C4orf51: variants seen among roughly 807,000 people sequenced by gnomAD.
C4orf51 encodes chromosome 4 open reading frame 51.
C4orf51 carries 25 observed loss-of-function variants against 25.2 expected under a neutral mutation model. The ratio of observed to expected loss-of-function variants is 0.99; its 90% CI spans 0.72 to 1.39. The LOEUF is 1.39. Ranked by LOEUF, C4orf51 falls within the 40% of genes most tolerant of loss-of-function variation. C4orf51 has a pLI of 0.00. For synonymous variants in C4orf51, 100 were observed against 84.5 expected, an observed-to-expected ratio of 1.18 and a Z score of -1.01; for missense variants, 252 against 239.6, an observed-to-expected ratio of 1.05 and a Z score of -0.34.
chr4:145,698,598 G>C (rs945734942), intron 2 of C4orf51, among the ~76,000 whole-genome samples: 1 of 152,164 alleles, frequency 6.6e-6, no homozygotes, highest in Admixed American at 6.5e-5. Context: ...AGAATAGACT[G>C]TGTTTCTTAT....
At chr4:145,683,842 A>G (rs1007070804) in intron 1 of C4orf51, among the ~76,000 whole-genome samples, 7 of 152,232 alleles carry the variant, frequency 4.6e-5, no homozygotes, top group African/African-American at 1.7e-4. Context: ...TGGCAATGGC[A>G]ATGATATTTT....
chr4:145,736,185 T>A (rs148236198), downstream of C4orf51, among the ~76,000 whole-genome samples: 9 of 151,514 alleles, frequency 5.9e-5, no homozygotes, highest in East Asian at 1.7e-3. Context: ...GCAATTAGAG[T>A]GGGAACACTG....
intron 1 of C4orf51, among the ~76,000 whole-genome samples, chr4:145,682,485 C>T (rs1232750256): frequency 6.6e-6 from 1 of 152,034 alleles, no homozygotes; most frequent in African/African-American, 2.4e-5. Context: ...CAGAATGGTC[C>T]AAGGAGAATT....
rs1158700244 is a variant in C4orf51, at chr4:145,747,389, G to GT, written n.168-6818_168-6817insT. On this transcript the variant is annotated intron_variant and non_coding_transcript_variant, in intron 1 of 1. Transcript: ENST00000508981. ...ATTCCTTCTGTGCCCAGTTTTTTGA[G>GT]GTTTTTTTTTTTTATCATGAAGTGG... 4.1e-5 allele frequency among the ~76,000 whole-genome samples: 5 copies of GT among 122,018 alleles called. No individual in the cohort carries two copies. The East Asian group carries it at 6.0e-4, about 15-fold the overall frequency. 80.0% of individuals were successfully genotyped at this position (122,018 alleles called of 152,430 possible).
At chr4:145,792,028 T>A in the C4orf51 span, among the ~76,000 whole-genome samples, 1 of 152,232 alleles carries the variant, frequency 6.6e-6, no homozygotes, top group African/African-American at 2.4e-5. Flanking sequence ...CTCTGCTTTC[T>A]ATGACAAAGT....
chr4:145,742,532 G>GTTTTTTT (rs141147414), intron 1 of C4orf51, among the ~76,000 whole-genome samples: 21 of 105,004 alleles, frequency 2.0e-4, no homozygotes, highest in Admixed American at 3.2e-4. Flanking sequence ...TCTTTTTCTT[G>GTTTTTTT]TTTTTTTTTT....
At chr4:145,690,100 G>A (rs1210542340) in intron 1 of C4orf51, among the ~76,000 whole-genome samples, 18 of 151,876 alleles carry the variant, frequency 1.2e-4, no homozygotes, top group East Asian at 5.8e-4. Flanking sequence ...CCAGCTACTC[G>A]GGAGGCTGAG....
At chr4:145,700,280 C>T (rs560122511) in intron 2 of C4orf51, among the ~76,000 whole-genome samples, 1 of 152,064 alleles carries the variant, frequency 6.6e-6, no homozygotes, top group Non-Finnish European at 1.5e-5. Context: ...ATTTCCGTGC[C>T]CTGACCCCCC....
chr4:145,752,954 G>A (rs1733752331), intron 1 of C4orf51, among the ~76,000 whole-genome samples: 1 of 149,206 alleles, frequency 6.7e-6, no homozygotes, highest in Non-Finnish European at 1.5e-5. Flanking sequence ...TCCCACAATC[G>A]CTGTGCTCTC....
At chr4:145,772,220 A>T (rs919820759), downstream of C4orf51, among the ~76,000 whole-genome samples, 1 of 152,230 alleles carries the variant, frequency 6.6e-6, no homozygotes, top group African/African-American at 2.4e-5. Flanking sequence ...AGGTACATTG[A>T]TTCCCCACTT....
At chr4:145,780,334 G>A in the C4orf51 span, among the ~76,000 whole-genome samples, 2 of 152,184 alleles carry the variant, frequency 1.3e-5, no homozygotes, top group African/African-American at 2.4e-5. Flanking sequence ...ATTCCAGTTT[G>A]TGCAAAATCC....
intron 2 of C4orf51, among the ~76,000 whole-genome samples, chr4:145,709,779 C>T (rs1316738020): frequency 6.6e-6 from 1 of 152,100 alleles, no homozygotes; most frequent in Non-Finnish European, 1.5e-5. Context: ...TCATGAGCTC[C>T]CTATTTAGGA....
At chr4:145,725,326 C>A (rs146910498) in intron 2 of C4orf51, among the ~76,000 whole-genome samples, 1 of 152,266 alleles carries the variant, frequency 6.6e-6, no homozygotes, top group Non-Finnish European at 1.5e-5. Flanking sequence ...TACCTTCATT[C>A]ATTGCTGGTG....
In C4orf51 at chr4:145,729,913, C is replaced by G; in HGVS notation, c.449C>G (p.Ala150Gly). ...CTAGGTGTGAGACCTAAAAAGCCAGCACAGGAGGCCCTGATAAACTACAGT... is the reference window on the plus strand; with the variant it reads ...CTAGGTGTGAGACCTAAAAAGCCAGGACAGGAGGCCCTGATAAACTACAGT... The part of the protein sequence containing the change: ...GKYCVRPKKP[A>G]QEALINYSRR... The change falls in exon 5 of 6, where the codon GCA becomes GGA. Residue 150 changes from alanine (A) to glycine (G), a missense_variant. Physicochemically the swap from Ala to Gly is moderately conservative, Grantham distance 60. Transcript: ENST00000438731. 6.2e-7 allele frequency: 1 copy of G among 1,613,906 alleles called. No homozygotes were observed. The highest frequency in any genetic ancestry group is 8.5e-7 in the Non-Finnish European group (1 of 1,179,824).
At chr4:145,789,378 CAG>C in the C4orf51 span, among the ~76,000 whole-genome samples, 1 of 152,084 alleles carries the variant, frequency 6.6e-6, no homozygotes, top group South Asian at 2.1e-4. Flanking sequence ...AAAACAATAT[CAG>C]AGTTTGTTAA....
At chr4:145,694,757 T>C (rs556160455) in intron 1 of C4orf51, among the ~76,000 whole-genome samples, 32 of 151,614 alleles carry the variant, frequency 2.1e-4, no homozygotes, top group Non-Finnish European at 4.3e-4. Context: ...GCCAAGTTTT[T>C]AGTTTTTTCA....
chr4:145,686,912 C>G (rs924033623), intron 1 of C4orf51, among the ~76,000 whole-genome samples: 1 of 152,042 alleles, frequency 6.6e-6, no homozygotes, highest in Non-Finnish European at 1.5e-5. Context: ...GGTGAAAAAT[C>G]TATTCTTGCC....
chr4:145,700,634 C>T (rs760479812), intron 2 of C4orf51, among the ~76,000 whole-genome samples: 3 of 152,158 alleles, frequency 2.0e-5, no homozygotes, highest in South Asian at 4.2e-4. Flanking sequence ...GACGTCCAGG[C>T]ATTATTTTAC....
At chr4:145,779,283 A>G in the C4orf51 span, 2 of 1,480,998 alleles carry the variant, frequency 1.4e-6, no homozygotes, top group African/African-American at 2.8e-5. Context: ...CACTTCCTGT[A>G]ATGCCTCTCT....
Sources: allele counts gnomAD v4.1 joint callset (sites outside exome capture counted in the v4.1 genomes callset), GRCh38; gene constraint gnomAD v4.1.1; transcripts MANE v1.5; gene names NCBI Gene and HGNC (gene_info 2026-07-23, HGNC 2026-07-21).